The following DEDD2 variants were observed in gnomAD, a reference collection of about 807,000 sequenced individuals.
DEDD2 encodes the protein DNA-binding death effector domain-containing protein 2.
DEDD2 carries 18 observed loss-of-function variants against 28.9 expected under a neutral mutation model. That is an observed-to-expected ratio of 0.62 (90% confidence interval 0.43 to 0.92). The LOEUF is 0.92. DEDD2 is among the 40% of genes least tolerant of loss of function. DEDD2 has a pLI of 0.00. For missense variants in DEDD2, 411 were observed against 463.3 expected (o/e 0.89, Z 1.04); for synonymous variants, 211 against 206.1 (o/e 1.02, Z -0.20).
intron 2 of DEDD2, 108 bp from the exon 3 acceptor site, chr19:42,215,360 C>T: frequency 7.3e-7 from 1 of 1,363,694 alleles, no homozygotes; most frequent in Non-Finnish European, 1.0e-6. Flanking sequence ...GTAGTCAGAG[C>T]CCAAATACCC....
intron 4 of DEDD2, among the ~76,000 whole-genome samples, chr19:42,201,482 A>G (rs1163650788): frequency 1.3e-5 from 2 of 152,236 alleles, no homozygotes; most frequent in African/African-American, 2.4e-5. Flanking sequence ...TGATAGGCCA[A>G]TTGCCTGACC....
intron 4 of DEDD2, chr19:42,202,202 G>A (rs769100877): frequency 2.2e-4 from 87 of 397,156 alleles, no homozygotes; most frequent in Middle Eastern, 1.9e-3. Context: ...CTGTAATTTC[G>A]ACACCCAACT....
chr19:42,220,095 T>A (rs543985613), upstream of DEDD2: 1 of 152,398 alleles, frequency 6.6e-6, no homozygotes, highest in South Asian at 2.1e-4. Context: ...CGAGTTTCTC[T>A]ACAGAACTTG....
chr19:42,210,850 C>T (rs2035730096), intron 3 of DEDD2, among the ~76,000 whole-genome samples: 1 of 151,920 alleles, frequency 6.6e-6, no homozygotes, highest in Non-Finnish European at 1.5e-5. Context: ...GGGTGGATCA[C>T]TTGAGATCAG....
chr19:42,199,656 C>G lies in DEDD2; in HGVS notation c.763G>C (p.Glu255Gln). 6.2e-7 allele frequency: 1 copy of G among 1,614,160 alleles called. No individual in the cohort carries two copies. Among genetic ancestry groups the G allele is most frequent in the Non-Finnish European group, 8.5e-7 (1 of 1,179,984 alleles). ...CAGAAGGCGTCCAGATAGGAGAGCT[C>G]TGAGAACTTGATGTCACAAACCACA... ...GSVVCDIKFS[E>Q]LSYLDAFWGD... The change falls in exon 5 of 5, where the codon GAG (glutamate) becomes CAG (glutamine). Residue 255 changes from glutamate (E) to glutamine (Q), a missense_variant. By Grantham distance (29) the Glu-to-Gln change is conservative. This residue lies in a region of DEDD2 where 129 missense variants were observed against 189.9 expected (regional missense o/e 0.68). Transcript: ENST00000596251. The surrounding 1 kb of genome is among the most constrained non-coding windows in gnomAD (Gnocchi z 7.4).
chr19:42,209,949 A>C, intron 3 of DEDD2, 109 bp from the exon 4 acceptor site: 1 of 1,365,840 alleles, frequency 7.3e-7, no homozygotes, highest in Non-Finnish European at 9.6e-7. Context: ...ACCCTGAGTG[A>C]GCCAGTCTGC....
chr19:42,216,600 G>GT, intron 2 of DEDD2, 80 bp downstream of exon 2: 2 of 1,380,912 alleles, frequency 1.4e-6, no homozygotes, highest in Non-Finnish European at 1.9e-6. Flanking sequence ...GGCACTGTCC[G>GT]TATCAGGGCA....
chr19:42,199,590 C>T lies in DEDD2; in HGVS notation c.829G>A (p.Gly277Ser), dbSNP rs2035242403. 1 of 1,613,980 alleles carries T rather than the reference C, an allele frequency of 6.2e-7. No homozygotes were observed. The highest frequency in any genetic ancestry group is 1.3e-5 in the African/African-American group (1 of 74,944). Residue 277 changes from glycine (G) to serine (S), a missense_variant, in exon 5 of 5, where the codon GGC (glycine) becomes AGC (serine). Physicochemically the swap from Gly to Ser is moderately conservative, Grantham distance 56. Transcript: ENST00000596251. The surrounding 1 kb of genome is among the most constrained non-coding windows in gnomAD (Gnocchi z 7.4). ...LSGALLQALRGVFLTEALREA... is the reference protein window; with the variant it reads ...LSGALLQALRSVFLTEALREA... ...CGCAGGGCCTCAGTCAGGAACACGC[C>T]CCGCAGGGCCTGCAGCAGGGCGCCA...
intron 1 of DEDD2, 86 bp from the exon 2 acceptor site, chr19:42,217,131 T>A: frequency 9.1e-7 from 1 of 1,096,584 alleles, no homozygotes; most frequent in Non-Finnish European, 1.3e-6. Context: ...CCCCGCCCAA[T>A]CGCGCCGGGC....
At chr19:42,206,785 A>C (rs924520211) in intron 4 of DEDD2, among the ~76,000 whole-genome samples, 1 of 152,156 alleles carries the variant, frequency 6.6e-6, no homozygotes, top group Non-Finnish European at 1.5e-5. Context: ...ATCACAGGTG[A>C]GGAAGAGTCA....
intron 3 of DEDD2, among the ~76,000 whole-genome samples, chr19:42,210,710 G>A (rs1397697228): frequency 5.3e-5 from 8 of 151,810 alleles, no homozygotes; most frequent in Admixed American, 5.2e-4. Flanking sequence ...CTTTAGTTTT[G>A]ACTTTTGACT....
rs969559682 is a variant in DEDD2, at chr19:42,214,330, C to G, written c.448+803G>C. ...AAAATTAGCCAGGCATGGTGTCATG[C>G]GCCTGTAGTTCCAGCTACTTGGGAG... On this transcript the variant is annotated intron_variant, in intron 3 of 4. Transcript: ENST00000596251. Among the ~76,000 whole-genome samples the G allele has an allele frequency of 2.6e-5, 4 of 152,192 alleles. 1 individual carries two copies. Among genetic ancestry groups the G allele is most frequent in the Admixed American group, 1.3e-4 (2 of 15,292 alleles).
upstream of DEDD2, among the ~76,000 whole-genome samples, chr19:42,218,378 C>T (rs2036062827): frequency 6.6e-6 from 1 of 151,986 alleles, no homozygotes; most frequent in Non-Finnish European, 1.5e-5. Context: ...GCGTCCATCA[C>T]GACCCCCATC....
rs552839522 is a variant in DEDD2 at position 42,199,965 on chromosome 19, C to T, written c.590-136G>A. 247 of 1,346,932 alleles carry T rather than the reference C, an allele frequency of 1.8e-4. No individual in the cohort carries two copies. Among genetic ancestry groups the T allele is most frequent in the Non-Finnish European group, 2.4e-4 (243 of 1,007,364 alleles). 83.4% of individuals were successfully genotyped at this position (1,346,932 alleles called of 1,614,324 possible). A position where few individuals can be genotyped will look rare whatever the true frequency, so the allele number is the denominator to read the frequency against. ...ACACCCTAGTCCTGACACAGCCTCCCCGGCTCTGTGGGGTTCCCTGACCAA... is the reference window on the plus strand; with the variant it reads ...ACACCCTAGTCCTGACACAGCCTCCTCGGCTCTGTGGGGTTCCCTGACCAA... On this transcript the variant is annotated intron_variant, in intron 4 of 4. Transcript: ENST00000596251. The surrounding 1 kb of genome is among the most constrained non-coding windows in gnomAD (Gnocchi z 7.4).
intron 4 of DEDD2, among the ~76,000 whole-genome samples, chr19:42,205,134 G>A (rs138944348): frequency 8.5e-5 from 13 of 152,254 alleles, no homozygotes; most frequent in Admixed American, 3.3e-4. Flanking sequence ...CCCTACTGCA[G>A]GATACAGTCA....
In DEDD2 at chr19:42,201,821, C is replaced by T. The variant is rs1599753094; in HGVS notation, c.590-1992G>A. On this transcript the variant is annotated intron_variant, in intron 4 of 4. Coordinates refer to ENST00000596251, the MANE Select transcript of DEDD2 (RefSeq NM_133328.4). ...TGGCATTCAGACCCAGCTGTCTCTACCCAGACGACCAGATCCTTGACTGCA... is the reference window on the plus strand; with the variant it reads ...TGGCATTCAGACCCAGCTGTCTCTATCCAGACGACCAGATCCTTGACTGCA... 2.0e-5 allele frequency: 8 copies of T among 393,914 alleles called. No homozygotes were observed. The East Asian group carries it at 2.9e-4, about 14-fold the overall frequency. The allele number at this position is 393,914 out of a possible 1,614,324, so 24.4% of individuals were successfully genotyped here. A position where few individuals can be genotyped will look rare whatever the true frequency, so the allele number is the denominator to read the frequency against.
At chr19:42,200,103 CA>C (rs1288193112) in intron 4 of DEDD2, among the ~76,000 whole-genome samples, 1 of 152,178 alleles carries the variant, frequency 6.6e-6, no homozygotes, top group Non-Finnish European at 1.5e-5. Flanking sequence ...TCTCTTCCTG[CA>C]GGTCTTTGCT....
intron 4 of DEDD2, among the ~76,000 whole-genome samples, chr19:42,202,967 T>A (rs912262608): frequency 6.6e-6 from 1 of 152,218 alleles, no homozygotes; most frequent in Non-Finnish European, 1.5e-5. Context: ...TGCCTATAGC[T>A]TTTACTACAG....
chr19:42,213,967 T>C (rs1427232959), intron 3 of DEDD2, among the ~76,000 whole-genome samples: 1 of 152,220 alleles, frequency 6.6e-6, no homozygotes, highest in East Asian at 1.9e-4. Flanking sequence ...AATATCCTTA[T>C]TCTCCACGGA....
Sources: gnomAD v4.1 joint callset for allele counts (sites outside exome capture counted in the v4.1 genomes callset) on GRCh38, gnomAD v4.1.1 for gene constraint, gnomAD v4.1.1 regional missense constraint, Gnocchi (gnomAD v3.1) non-coding constraint, MANE v1.5 for transcripts, NCBI Gene and HGNC (gene_info 2026-07-23, HGNC 2026-07-21) for gene names.